Variants in NBEA observed in about 807,000 individuals in gnomAD.
NBEA encodes the protein neurobeachin.
Under a neutral mutation model 343.4 loss-of-function variants are expected in NBEA, and 44 were observed. The observed-to-expected ratio is 0.13, with a 90% CI of 0.10 to 0.16. NBEA has a LOEUF of 0.16. Ranked by LOEUF, NBEA falls within the 10% of genes least tolerant of loss-of-function variation. The pLI is 1.00. For synonymous variants in NBEA, 1,175 were observed against 1,238.7 expected, an observed-to-expected ratio of 0.95 and a Z score of 1.08; for missense variants, 2,555 against 3,631.3, an observed-to-expected ratio of 0.70 and a Z score of 7.62.
chr13:35,492,035 G>A (rs1228800756), intron 41 of NBEA, among the ~76,000 whole-genome samples: 1 of 151,960 alleles, frequency 6.6e-6, no homozygotes, highest in Non-Finnish European at 1.5e-5. Context: ...AAGTGAGGTA[G>A]ACAATACACT....
intron 1 of NBEA, among the ~76,000 whole-genome samples, chr13:34,959,046 A>G (rs2059580849): frequency 6.6e-6 from 1 of 152,116 alleles, no homozygotes; most frequent in Non-Finnish European, 1.5e-5. Context: ...TTAATCTGCA[A>G]TAAAAATTGA....
At chr13:35,514,162 G>A (rs1452327258) in intron 41 of NBEA, among the ~76,000 whole-genome samples, 1 of 151,810 alleles carries the variant, frequency 6.6e-6, no homozygotes, top group African/African-American at 2.4e-5. Flanking sequence ...AGAAGCCCTT[G>A]AGGTGGAAAG....
At chr13:35,048,303 C>G (rs1445627994) in intron 4 of NBEA, among the ~76,000 whole-genome samples, 3 of 151,922 alleles carry the variant, frequency 2.0e-5, no homozygotes, top group Non-Finnish European at 2.9e-5. Context: ...GGAGTATAGT[C>G]TGAAACCCGC....
At chr13:35,512,969 C>G (rs1484344311) in intron 41 of NBEA, among the ~76,000 whole-genome samples, 1 of 152,068 alleles carries the variant, frequency 6.6e-6, no homozygotes, top group African/African-American at 2.4e-5. Flanking sequence ...AGCCTTGAAA[C>G]TCAGTGTAAG....
At chr13:35,359,822 G>A (rs1261468261) in intron 38 of NBEA, among the ~76,000 whole-genome samples, 1 of 144,452 alleles carries the variant, frequency 6.9e-6, no homozygotes, top group East Asian at 1.9e-4. Context: ...TAATAGGTGT[G>A]TGTGTGTGTA....
At chr13:35,260,402 A>C (rs1473190103) in intron 34 of NBEA, among the ~76,000 whole-genome samples, 3 of 152,372 alleles carry the variant, frequency 2.0e-5, no homozygotes, top group Admixed American at 6.5e-5. Context: ...ATGAATAAGC[A>C]GTTTTTATAC....
intron 40 of NBEA, among the ~76,000 whole-genome samples, chr13:35,471,315 C>G (rs149824365): frequency 6.6e-6 from 1 of 152,150 alleles, no homozygotes; most frequent in Non-Finnish European, 1.5e-5. Flanking sequence ...GAGGGCTCTC[C>G]GCCCGGAGGG....
At chr13:35,289,689 CA>C (rs2035674034) in intron 34 of NBEA, among the ~76,000 whole-genome samples, 1 of 151,784 alleles carries the variant, frequency 6.6e-6, no homozygotes, top group African/African-American at 2.4e-5. Context: ...TGAGACCATG[CA>C]CGTAAGGCAC....
At chr13:35,308,396 A>C (rs930308157) in intron 35 of NBEA, among the ~76,000 whole-genome samples, 3 of 144,742 alleles carry the variant, frequency 2.1e-5, no homozygotes. Context: ...TTATAGAACC[A>C]TTGGAAGGGA....
intron 43 of NBEA, among the ~76,000 whole-genome samples, chr13:35,553,510 A>G (rs1377162706): frequency 6.6e-6 from 1 of 152,118 alleles, no homozygotes; most frequent in Non-Finnish European, 1.5e-5. Context: ...ATTGGTGGAA[A>G]GAATGAATAA....
At chr13:35,502,072 C>T (rs988677194) in intron 41 of NBEA, among the ~76,000 whole-genome samples, 18 of 152,148 alleles carry the variant, frequency 1.2e-4, no homozygotes, top group Admixed American at 2.0e-4. Context: ...CCTTGCCTGC[C>T]GGGGCTTTAG....
In NBEA at chr13:35,380,132, G is replaced by A. The variant is rs145054037; in HGVS notation, c.6179+27809G>A. ...ATATGCCTTTCTGTATAGGTCATCT[G>A]TGATTTCTCTTGGTAATACTTTGTA... On this transcript the variant is annotated intron_variant, in intron 38 of 58. Transcript: ENST00000379939. Among the ~76,000 whole-genome samples, 120 of 152,196 alleles carry A rather than the reference G, an allele frequency of 7.9e-4. 2 individuals are homozygous for A. The East Asian group carries it at 0.016, about 21-fold the overall frequency.
chr13:35,116,431 A>C (rs1300354342), intron 13 of NBEA, among the ~76,000 whole-genome samples: 1 of 152,056 alleles, frequency 6.6e-6, no homozygotes, highest in Admixed American at 6.6e-5. Context: ...AGTAATACCA[A>C]GTGTCAATAG....
At position 35,242,855 on chromosome 13, in the gene NBEA, A is replaced by G. The variant is rs182584012; in HGVS notation, c.5776+10236A>G. 3.9e-5 allele frequency among the ~76,000 whole-genome samples: 6 copies of G among 152,034 alleles called. No homozygotes were observed. The East Asian group carries it at 1.2e-3, about 29-fold the overall frequency. ...AAATTAAGAATTTTCCAGATAAACA[A>G]GAGCTGAGAGCATTTATTACTACTA... On this transcript the variant is annotated intron_variant, in intron 34 of 58. Transcript: ENST00000379939.
rs949631690 is a variant in NBEA, at chr13:34,960,835, CTGT to C, written c.294+17726_294+17728del. Among the ~76,000 whole-genome samples the C allele has an allele frequency of 7.2e-5, 11 of 152,008 alleles. 1 individual carries two copies. The highest frequency in any genetic ancestry group is 1.5e-4 in the Non-Finnish European group (10 of 67,978). On this transcript the variant is annotated intron_variant, in intron 1 of 58. Coordinates refer to ENST00000379939, the MANE Select transcript of NBEA (RefSeq NM_001385012.1). ...ATGACACATTTCTCAAAATGTATCT[CTGT>C]TGTTAAGTGATGAATGACTGTATTT...
chr13:35,495,008 C>CA (rs989132053), intron 41 of NBEA, among the ~76,000 whole-genome samples: 14 of 145,228 alleles, frequency 9.6e-5, no homozygotes, highest in East Asian at 4.0e-4. Context: ...GAGACTCTGT[C>CA]AAAAAAAAAG....
At chr13:34,982,302 AT>A (rs113223569) in intron 1 of NBEA, among the ~76,000 whole-genome samples, 140 of 146,780 alleles carry the variant, frequency 9.5e-4, no homozygotes, top group Middle Eastern at 7.1e-3. Context: ...GTTGTTATTG[AT>A]TTTTTTTTTT....
At chr13:35,270,807 G>A (rs1247300493) in intron 34 of NBEA, among the ~76,000 whole-genome samples, 2 of 152,186 alleles carry the variant, frequency 1.3e-5, no homozygotes, top group Admixed American at 6.5e-5. Flanking sequence ...GCTTTAGTAG[G>A]CAGGTATATG....
chr13:35,326,831 G>A (rs926889332), intron 36 of NBEA, among the ~76,000 whole-genome samples: 1 of 151,852 alleles, frequency 6.6e-6, no homozygotes, highest in Middle Eastern at 3.2e-3. Context: ...GAAAGTAACT[G>A]TCAACAAAGT....
Sources: gnomAD v4.1 joint callset for allele counts (sites outside exome capture counted in the v4.1 genomes callset) on GRCh38, gnomAD v4.1.1 for gene constraint, MANE v1.5 for transcripts, NCBI Gene and HGNC (gene_info 2026-07-23, HGNC 2026-07-21) for gene names.